Variants in TNS3 observed in about 807,000 individuals in gnomAD.
TNS3 encodes tensin-3.
TNS3 carries 45 observed loss-of-function variants against 140.9 expected under a neutral mutation model. The ratio of observed to expected loss-of-function variants is 0.32; its 90% CI spans 0.25 to 0.41. The LOEUF (loss-of-function observed/expected upper bound fraction) is 0.41. TNS3 is among the 10% of genes least tolerant of loss of function. The pLI is 1.00. For missense variants in TNS3, 1,716 were observed against 1,906.7 expected, an observed-to-expected ratio of 0.90 and a Z score of 1.86; for synonymous variants, 815 against 788.4, an observed-to-expected ratio of 1.03 and a Z score of -0.56.
At chr7:47,302,807 A>C in intron 22 of TNS3, 143 bp downstream of exon 22, 3 of 1,200,842 alleles carry the variant, frequency 2.5e-6, no homozygotes, top group Non-Finnish European at 2.3e-6. Context: ...GGAAAATGGA[A>C]AAGTACCCCA....
chr7:47,465,741 A>G (rs1796684416), intron 4 of TNS3, among the ~76,000 whole-genome samples: 1 of 152,092 alleles, frequency 6.6e-6, no homozygotes, highest in African/African-American at 2.4e-5. Context: ...CCTGACCAAC[A>G]TGGAGAAACC....
chr7:47,425,533 G>A (rs1028423349), intron 9 of TNS3, among the ~76,000 whole-genome samples: 1 of 152,104 alleles, frequency 6.6e-6, no homozygotes, highest in African/African-American at 2.4e-5. Flanking sequence ...AACTTGCTAC[G>A]TGCATTTGCT....
intron 27 of TNS3, among the ~76,000 whole-genome samples, chr7:47,287,943 T>C (rs1785502714): frequency 6.6e-6 from 1 of 152,222 alleles, no homozygotes; most frequent in African/African-American, 2.4e-5. Flanking sequence ...TTTTAAAAGA[T>C]GGAAGTGCAC....
chr7:47,498,378 G>A (rs1584774963), intron 3 of TNS3, among the ~76,000 whole-genome samples: 1 of 152,160 alleles, frequency 6.6e-6, no homozygotes, highest in Non-Finnish European at 1.5e-5. Context: ...TTCTCCCTCC[G>A]GCTGCACCTT....
At chr7:47,288,718 G>A (rs998682176) in intron 27 of TNS3, among the ~76,000 whole-genome samples, 1 of 152,194 alleles carries the variant, frequency 6.6e-6, no homozygotes, top group African/African-American at 2.4e-5. Context: ...CCTCACAAGG[G>A]AAAGGGTGAG....
At chr7:47,292,976 A>G in intron 25 of TNS3, 71 bp from the exon 26 acceptor site, 1 of 1,376,120 alleles carries the variant, frequency 7.3e-7, no homozygotes, top group South Asian at 1.2e-5. Context: ...CCAATTTATC[A>G]GCTGGAATGA....
At chr7:47,490,891 C>T (rs575563202) in intron 3 of TNS3, among the ~76,000 whole-genome samples, 41 of 152,304 alleles carry the variant, frequency 2.7e-4, no homozygotes, top group Middle Eastern at 6.8e-3. Flanking sequence ...TGCGCACAGC[C>T]CCAGCATGCC....
At chr7:47,394,723 C>T (rs570562061) in intron 16 of TNS3, among the ~76,000 whole-genome samples, 1 of 152,358 alleles carries the variant, frequency 6.6e-6, no homozygotes, top group South Asian at 2.1e-4. Flanking sequence ...CATGTAACCC[C>T]TAAAGGATGG....
At chr7:47,440,391 GGCCAGGT>G (rs1795408005) in intron 5 of TNS3, among the ~76,000 whole-genome samples, 2 of 152,332 alleles carry the variant, frequency 1.3e-5, no homozygotes, top group South Asian at 4.1e-4. Flanking sequence ...GCTAGCCACA[GGCCAGGT>G]GGATGCAGGG....
chr7:47,310,544 T>C (rs564685099), intron 20 of TNS3, among the ~76,000 whole-genome samples: 1 of 152,114 alleles, frequency 6.6e-6, no homozygotes, highest in Non-Finnish European at 1.5e-5. Context: ...AAATATTTAA[T>C]TGTAAAAAAA....
chr7:47,366,475 G>T (rs1373946740), intron 17 of TNS3, among the ~76,000 whole-genome samples: 1 of 152,196 alleles, frequency 6.6e-6, no homozygotes. Flanking sequence ...CTGGGATAGG[G>T]TTTCCTTCTC....
chr7:47,355,774 G>A (rs1490099981), intron 17 of TNS3, among the ~76,000 whole-genome samples: 1 of 152,148 alleles, frequency 6.6e-6, no homozygotes, highest in Non-Finnish European at 1.5e-5. Context: ...TTGACCCTGA[G>A]CTGTGATTCT....
At chr7:47,507,934 T>A (rs1798479964) in intron 2 of TNS3, among the ~76,000 whole-genome samples, 2 of 152,098 alleles carry the variant, frequency 1.3e-5, no homozygotes. Context: ...TCAAGCTGGG[T>A]CTCTGCTTCC....
intron 20 of TNS3, among the ~76,000 whole-genome samples, chr7:47,332,854 C>G (rs1402483091): frequency 6.6e-6 from 1 of 152,200 alleles, no homozygotes; most frequent in Non-Finnish European, 1.5e-5. Context: ...TCACCAAGCC[C>G]CAGGGCCAGC....
At chr7:47,480,322 C>T (rs943396542) in intron 4 of TNS3, among the ~76,000 whole-genome samples, 2 of 152,218 alleles carry the variant, frequency 1.3e-5, no homozygotes, top group Non-Finnish European at 2.9e-5. Flanking sequence ...TGTTTCCCTG[C>T]CCCACCGGGG....
At chr7:47,487,161 T>C (rs1291022051) in intron 3 of TNS3, among the ~76,000 whole-genome samples, 6 of 152,144 alleles carry the variant, frequency 3.9e-5, no homozygotes, top group Non-Finnish European at 8.8e-5. Context: ...TAGCAGGGCG[T>C]GGCGGCACGT....
intron 13 of TNS3, among the ~76,000 whole-genome samples, chr7:47,411,310 G>A (rs1192942505): frequency 1.3e-5 from 2 of 152,206 alleles, no homozygotes; most frequent in Non-Finnish European, 2.9e-5. Flanking sequence ...TGGCACCAGG[G>A]ACTGGTTTCA....
intron 23 of TNS3, among the ~76,000 whole-genome samples, chr7:47,298,455 T>C (rs1479429786): frequency 6.6e-6 from 1 of 152,278 alleles, no homozygotes; most frequent in Non-Finnish European, 1.5e-5. Flanking sequence ...CTCAACTCGA[T>C]ACTGCCCAGA....
At chr7:47,580,574 C>T (rs1584874053) in intron 1 of TNS3, among the ~76,000 whole-genome samples, 1 of 150,090 alleles carries the variant, frequency 6.7e-6, no homozygotes, top group Non-Finnish European at 1.5e-5. Flanking sequence ...GTGTAATGGC[C>T]TTGCCCCTCC....
Sources: gnomAD v4.1 joint callset for allele counts (sites outside exome capture counted in the v4.1 genomes callset) on GRCh38, gnomAD v4.1.1 for gene constraint, MANE v1.5 for transcripts, NCBI Gene and HGNC (gene_info 2026-07-23, HGNC 2026-07-21) for gene names.